The following CTNNA2 variants were observed in gnomAD, a reference collection of about 807,000 sequenced individuals.
CTNNA2 encodes catenin alpha-2.
CTNNA2 carries 42 observed loss-of-function variants against 101.0 expected under a neutral mutation model. That is an observed-to-expected ratio of 0.42 (90% CI 0.32 to 0.54). The LOEUF (loss-of-function observed/expected upper bound fraction) is 0.54. Ranked by LOEUF, CTNNA2 falls within the 20% of genes least tolerant of loss-of-function variation. CTNNA2 has a pLI of 0.14. For synonymous variants in CTNNA2, 450 were observed against 456.4 expected, an observed-to-expected ratio of 0.99 and a Z score of 0.18; for missense variants, 871 against 1,223.1, an observed-to-expected ratio of 0.71 and a Z score of 4.29.
At chr2:79,992,937 G>C (rs1320930661) in intron 7 of CTNNA2, among the ~76,000 whole-genome samples, 1 of 152,168 alleles carries the variant, frequency 6.6e-6, no homozygotes, top group East Asian at 1.9e-4. Flanking sequence ...GTGACATGTA[G>C]AAGTGTCCTG....
intron 7 of CTNNA2, among the ~76,000 whole-genome samples, chr2:80,296,876 C>T (rs1395914841): frequency 6.6e-6 from 1 of 152,194 alleles, no homozygotes; most frequent in East Asian, 1.9e-4. Context: ...TAAATGTCTA[C>T]TGGGTGGCAA....
At chr2:80,037,384 A>AG (rs1160640219) in intron 7 of CTNNA2, among the ~76,000 whole-genome samples, 1 of 152,226 alleles carries the variant, frequency 6.6e-6, no homozygotes. Context: ...TGCAAAAAAA[A>AG]TGATCCTCTG....
chr2:80,291,813 G>A (rs1412133132), intron 7 of CTNNA2, among the ~76,000 whole-genome samples: 1 of 152,192 alleles, frequency 6.6e-6, no homozygotes, highest in East Asian at 1.9e-4. Flanking sequence ...AAAACTGGAA[G>A]ATGTGTGTGC....
At chr2:79,803,801 A>G (rs774734946) in intron 3 of CTNNA2, among the ~76,000 whole-genome samples, 2 of 152,240 alleles carry the variant, frequency 1.3e-5, no homozygotes, top group African/African-American at 2.4e-5. Flanking sequence ...TTATCAGACA[A>G]TTTGGCTATG....
intron 7 of CTNNA2, among the ~76,000 whole-genome samples, chr2:79,957,214 G>A (rs1356068615): frequency 6.6e-6 from 1 of 152,130 alleles, no homozygotes; most frequent in Non-Finnish European, 1.5e-5. Flanking sequence ...AAATCCCGAT[G>A]TCTTCATTTG....
intron 3 of CTNNA2, among the ~76,000 whole-genome samples, chr2:79,849,738 C>T (rs544259811): frequency 6.6e-6 from 1 of 152,268 alleles, no homozygotes; most frequent in East Asian, 1.9e-4. Flanking sequence ...TTGCTACTTC[C>T]TGAACTTAGA....
At chr2:80,629,032 G>T (rs1356429546) in intron 18 of CTNNA2, among the ~76,000 whole-genome samples, 1 of 152,118 alleles carries the variant, frequency 6.6e-6, no homozygotes, top group Non-Finnish European at 1.5e-5. Flanking sequence ...ACTTCATTGA[G>T]TTATTGTTAG....
chr2:79,801,721 G>A (rs149817611), intron 3 of CTNNA2, among the ~76,000 whole-genome samples: 2,073 of 152,228 alleles, frequency 0.014, 34 homozygotes, highest in African/African-American at 0.045. Flanking sequence ...GCCAGGCATG[G>A]TGGCTCATGC....
chr2:80,058,240 T>C (rs1697355735), intron 7 of CTNNA2, among the ~76,000 whole-genome samples: 1 of 152,242 alleles, frequency 6.6e-6, no homozygotes, highest in Non-Finnish European at 1.5e-5. Context: ...ACTTAGGGAA[T>C]TCCATATAAA....
At chr2:79,499,422 C>T (rs1036693270) in intron 4 of CTNNA2, among the ~76,000 whole-genome samples, 1 of 152,162 alleles carries the variant, frequency 6.6e-6, no homozygotes, top group African/African-American at 2.4e-5. Flanking sequence ...TACATCACTT[C>T]TCCATATAGC....
chr2:79,317,121 G>C (rs540620015), intron 3 of CTNNA2, among the ~76,000 whole-genome samples: 1 of 151,998 alleles, frequency 6.6e-6, no homozygotes, highest in South Asian at 2.1e-4. Flanking sequence ...ATCAATAATG[G>C]GCATTGGGTT....
rs115487652 is a variant in CTNNA2 at position 80,263,336 on chromosome 2, A to G, written c.1057-129875A>G. 9.2e-3 allele frequency among the ~76,000 whole-genome samples: 1,401 copies of G among 152,264 alleles called. 22 individuals carry two copies. Among genetic ancestry groups the G allele is most frequent in the African/African-American group, 0.032 (1,328 of 41,562 alleles). Reference sequence around the variant, plus strand: ...ACAAAATTTTGTGAAGTGAATTTATATATTTATTTATTTATTAGATAGAGT... The same window carrying G: ...ACAAAATTTTGTGAAGTGAATTTATGTATTTATTTATTTATTAGATAGAGT... On this transcript the variant is annotated intron_variant, in intron 7 of 18. Coordinates refer to ENST00000402739, the MANE Select transcript of CTNNA2 (RefSeq NM_001282597.3).
intron 2 of CTNNA2, among the ~76,000 whole-genome samples, chr2:79,255,700 C>T (rs779237003): frequency 1.3e-5 from 2 of 152,124 alleles, no homozygotes; most frequent in Non-Finnish European, 2.9e-5. Context: ...GCATTCAGGA[C>T]TCATACAGTA....
At chr2:80,139,223 C>A (rs1702862718) in intron 7 of CTNNA2, among the ~76,000 whole-genome samples, 1 of 152,112 alleles carries the variant, frequency 6.6e-6, no homozygotes, top group Non-Finnish European at 1.5e-5. Flanking sequence ...ATCTCCCAGC[C>A]AATGCACGCG....
chr2:79,805,243 T>C (rs531092452), intron 3 of CTNNA2, among the ~76,000 whole-genome samples: 2 of 152,320 alleles, frequency 1.3e-5, no homozygotes, highest in South Asian at 4.1e-4. Context: ...GTTTCAGATT[T>C]TGCACATTTT....
chr2:79,206,087 A>G (rs1674096401), intron 2 of CTNNA2, among the ~76,000 whole-genome samples: 1 of 151,814 alleles, frequency 6.6e-6, no homozygotes, highest in Non-Finnish European at 1.5e-5. Flanking sequence ...TCTGCTGTAT[A>G]TGTGATTTTT....
At chr2:79,280,685 A>AGAGAGAGAGAGAGAGAGAGAGAGAG (rs1553390858) in intron 2 of CTNNA2, among the ~76,000 whole-genome samples, 14 of 88,444 alleles carry the variant, frequency 1.6e-4, no homozygotes, top group Admixed American at 3.0e-4. Context: ...GAGAGAGAGA[A>AGAGAGAGAGAGAGAGAGAGAGAGAG]AGAGAGAGAG....
chr2:79,727,504 C>G (rs886563626), intron 2 of CTNNA2, among the ~76,000 whole-genome samples: 2 of 152,076 alleles, frequency 1.3e-5, no homozygotes, highest in South Asian at 2.1e-4. Context: ...AAAATCAATA[C>G]TATCCCATTT....
intron 9 of CTNNA2, among the ~76,000 whole-genome samples, chr2:80,485,569 C>A (rs1351824513): frequency 6.6e-6 from 1 of 152,014 alleles, no homozygotes; most frequent in East Asian, 1.9e-4. Flanking sequence ...ATTTCAAATG[C>A]CATTATATTG....
Sources: gnomAD v4.1 joint callset for allele counts (sites outside exome capture counted in the v4.1 genomes callset) on GRCh38, gnomAD v4.1.1 for gene constraint, MANE v1.5 for transcripts, NCBI Gene and HGNC (gene_info 2026-07-23, HGNC 2026-07-21) for gene names.